Variants in STING1 observed in about 807,000 individuals in gnomAD.
STING1 encodes the protein stimulator of interferon response cGAMP interactor 1.
A neutral mutation model predicts 31.6 loss-of-function variants in STING1; 19 were observed. The ratio of observed to expected loss-of-function variants is 0.60; its 90% CI spans 0.42 to 0.88. The LOEUF is 0.88. Among genes scored for constraint, STING1 ranks in the 40% least tolerant of loss-of-function variants. The pLI is 0.00. For missense variants in STING1, 371 were observed against 483.7 expected (o/e 0.77, Z 2.19); for synonymous variants, 200 against 208.6 (o/e 0.96, Z 0.35).
At chr5:139,476,494 A>G (rs1308278528) in intron 7 of STING1, 40 bp from the exon 8 acceptor site, 2 of 1,578,590 alleles carry the variant, frequency 1.3e-6, no homozygotes, top group Admixed American at 1.7e-5. Context: ...TGAGGATCTT[A>G]CCCATTCCCA....
intron 7 of STING1, among the ~76,000 whole-genome samples, chr5:139,476,688 T>C (rs1164265357): frequency 1.3e-5 from 2 of 151,928 alleles, no homozygotes; most frequent in Non-Finnish European, 2.9e-5. Flanking sequence ...AGGTAGATCA[T>C]GAGGTCAGGA....
At chr5:139,478,837 G>A (rs1323825981) in intron 5 of STING1, 2 of 305,236 alleles carry the variant, frequency 6.6e-6, no homozygotes, top group Admixed American at 4.2e-5. Flanking sequence ...CACAGAGGGA[G>A]GCCTCTAGCC....
At position 139,481,451 on chromosome 5, in the gene STING1, C is replaced by A; in HGVS notation, c.227+27G>T. 6.2e-7 allele frequency: 1 copy of A among 1,606,686 alleles called. No homozygotes were observed. Among genetic ancestry groups the A allele is most frequent in the Non-Finnish European group, 8.5e-7 (1 of 1,174,670 alleles). ...AAGGGAGTGACACACGTTGGATACC[C>A]CGTCCCTGGGTACTGCAGTGAGTCA... On this transcript the variant is annotated intron_variant, in intron 3 of 7. Transcript: ENST00000330794. The surrounding 1 kb of genome is among the most constrained non-coding windows in gnomAD (Gnocchi z 4.1).
rs143501152 is a variant in STING1 at position 139,479,265 on chromosome 5, A to G, written c.521-757T>C. 3.3e-3 allele frequency: 498 copies of G among 152,526 alleles called. 2 individuals are homozygous for G. The Middle Eastern group carries it at 0.034, about 10-fold the overall frequency. 9.4% of individuals were successfully genotyped at this position (152,526 alleles called of 1,614,324 possible). On this transcript the variant is annotated intron_variant, in intron 5 of 7. Coordinates refer to ENST00000330794, the MANE Select transcript of STING1 (RefSeq NM_198282.4). ...AACAACAACAACAACAACAACAACA[A>G]CAACAACAACAACAACAAACACAGG... is the stretch of plus-strand genomic sequence containing the variant.
At position 139,481,838 on chromosome 5, in the gene STING1, GACAC is replaced by G; in HGVS notation, c.1-138_1-135del. 1.4e-6 allele frequency: 1 copy of G among 708,938 alleles called. No individual in the cohort carries two copies. Among genetic ancestry groups the G allele is most frequent in the Non-Finnish European group, 2.4e-6 (1 of 423,738 alleles). The allele number at this position is 708,938 out of a possible 1,614,324, so 43.9% of individuals were successfully genotyped here. On this transcript the variant is annotated intron_variant, in intron 2 of 7. Coordinates refer to ENST00000330794, the MANE Select transcript of STING1 (RefSeq NM_198282.4). The surrounding 1 kb of genome is among the most constrained non-coding windows in gnomAD (Gnocchi z 4.1). ...GCCACTCCCAGAGGCTGCTCTTAGA[GACAC>G]CTCTAGGAGGCAGGCTGGGAATAAG...
At position 139,478,269 on chromosome 5, in the gene STING1, C is replaced by T; in HGVS notation, c.759+1G>A. ...AGACCCCCACTCCCCTGCACACTTA[C>T]CCGCTGCCCGTTCTCCAGAAGCTCA... On this transcript the variant is annotated splice_donor_variant, in intron 6 of 7. Coordinates refer to ENST00000330794, the MANE Select transcript of STING1 (RefSeq NM_198282.4). LOFTEE classifies it high-confidence loss of function. The T allele has an allele frequency of 6.2e-7, 1 of 1,611,012 alleles. No individual in the cohort carries two copies. Among genetic ancestry groups the T allele is most frequent in the Non-Finnish European group, 8.5e-7 (1 of 1,178,056 alleles).
At position 139,481,563 on chromosome 5, in the gene STING1, C is replaced by A. The variant is rs902177158; in HGVS notation, c.142G>T (p.Val48Leu). 245 of 1,613,764 alleles carry A rather than the reference C, an allele frequency of 1.5e-4. No homozygotes were observed. Among genetic ancestry groups the A allele is most frequent in the Non-Finnish European group, 2.0e-4 (236 of 1,179,962 alleles). ...EPPEHTLRYL[V>L]LHLASLQLGL... ...AGCTGCAGGGAGGCTAGGTGGAGCA[C>A]CAGGTACCGGAGAGTGTGCTCTGGT... Residue 48 changes from valine to leucine, a missense_variant, in exon 3 of 8, where the codon GTG (valine) becomes TTG (leucine). Coordinates refer to ENST00000330794, the MANE Select transcript of STING1 (RefSeq NM_198282.4). This position sits in a 1 kb window ranked among gnomAD's most constrained non-coding sequence, Gnocchi z 4.1.
Position 139,476,095 on chromosome 5 carries a change from C to G in STING1, c.*166G>C. The G allele has an allele frequency of 3.4e-6, 2 of 584,080 alleles. No homozygotes were observed. The highest frequency in any genetic ancestry group is 6.1e-6 in the Non-Finnish European group (2 of 327,882). The allele number at this position is 584,080 out of a possible 1,614,324, so 36.2% of individuals were successfully genotyped here. On this transcript the variant is annotated 3_prime_UTR_variant, in exon 8 of 8. Coordinates refer to ENST00000330794, the MANE Select transcript of STING1 (RefSeq NM_198282.4). ...ACCGAGGCTCAGAGAGGGGAAATGA[C>G]TGGCCCAAGGGGACAAGACGCATCT...
intron 5 of STING1, 121 bp from the exon 6 acceptor site, chr5:139,478,629 C>G: frequency 4.6e-6 from 4 of 861,642 alleles, no homozygotes; most frequent in South Asian, 1.5e-5. Context: ...GAGTCCAGTG[C>G]ACTCTCATTG....
At chr5:139,479,599 G>A (rs544271394) in intron 5 of STING1, among the ~76,000 whole-genome samples, 10 of 151,518 alleles carry the variant, frequency 6.6e-5, no homozygotes, top group East Asian at 1.9e-4. Context: ...CTACTTGGGA[G>A]GCTAAGGCAG....
chr5:139,476,603 T>TCCTAG, intron 7 of STING1, 149 bp from the exon 8 acceptor site: 1 of 695,776 alleles, frequency 1.4e-6, no homozygotes, highest in Admixed American at 2.8e-5. Context: ...TTTCATAGAA[T>TCCTAG]CCTAGAGGTA....
rs1751644949 is a variant in STING1 at position 139,475,946 on chromosome 5, C to T, written c.*315G>A. 1 of 228,960 alleles carries T rather than the reference C, an allele frequency of 4.4e-6. No homozygotes were observed. The highest frequency in any genetic ancestry group is 8.6e-6 in the Non-Finnish European group (1 of 116,066). The allele number at this position is 228,960 out of a possible 1,614,324, so 14.2% of individuals were successfully genotyped here. On this transcript the variant is annotated 3_prime_UTR_variant, in exon 8 of 8. Coordinates refer to ENST00000330794, the MANE Select transcript of STING1 (RefSeq NM_198282.4). ...GGTCTGGAAGGCCCCATGAAAGACA[C>T]CTGGCACACCCCCTAAGTACACTAG... is the stretch of plus-strand genomic sequence containing the variant.
rs114834699 is a variant in STING1 at position 139,478,449 on chromosome 5, C to A, written c.580G>T (p.Val194Leu). ...AGGAGAATATACAGCCGCTGGCTCA[C>A]TGCACCCCGTAGCAGGTTGTTGTAA... Reference protein sequence around the residue: ...QHYNNLLRGAVSQRLYILLPL... With the variant: ...QHYNNLLRGALSQRLYILLPL... Residue 194 changes from valine (V) to leucine (L), a missense_variant, in exon 6 of 8, where the codon GTG becomes TTG. Val to Leu is a conservative substitution (Grantham distance 32). Transcript: ENST00000330794. The A allele has an allele frequency of 9.0e-4, 1,453 of 1,614,222 alleles. 17 individuals carry two copies. In the African/African-American group the frequency reaches 0.012, roughly 14 times the overall value.
In STING1 at chr5:139,481,787, C is replaced by T; in HGVS notation, c.1-83G>A. On this transcript the variant is annotated intron_variant, in intron 2 of 7. Coordinates refer to ENST00000330794, the MANE Select transcript of STING1 (RefSeq NM_198282.4). The surrounding 1 kb of genome is among the most constrained non-coding windows in gnomAD (Gnocchi z 4.1). ...CTGAGGCTCTGGCTGGGCACTTCCT[C>T]CCAGTTCCCCTTTCCCTGGTGCCCA... 5 of 1,169,496 alleles carry T rather than the reference C, an allele frequency of 4.3e-6. No homozygotes were observed. Among genetic ancestry groups the T allele is most frequent in the African/African-American group, 1.5e-5 (1 of 65,858 alleles). The allele number at this position is 1,169,496 out of a possible 1,614,324, so 72.4% of individuals were successfully genotyped here.
At chr5:139,479,848 CAAAAAAAAAAAAA>C (rs1168023127) in intron 5 of STING1, among the ~76,000 whole-genome samples, 4 of 34,914 alleles carry the variant, frequency 1.1e-4, no homozygotes, top group African/African-American at 1.8e-4. Flanking sequence ...ACTAAAAATA[CAAAAAAAAAAAAA>C]AAAAAAAAAA....
chr5:139,480,651 C>G, intron 5 of STING1, 139 bp downstream of exon 5: 1 of 639,724 alleles, frequency 1.6e-6, no homozygotes, highest in Non-Finnish European at 2.8e-6. Flanking sequence ...ATCCTTCATG[C>G]CTTGGGATTA....
chr5:139,481,604 C>A lies in STING1; in HGVS notation c.101G>T (p.Trp34Leu). The A allele has an allele frequency of 6.2e-7, 1 of 1,613,642 alleles. No homozygotes were observed. The highest frequency in any genetic ancestry group is 8.5e-7 in the Non-Finnish European group (1 of 1,179,892). ...VLLSACLVTLWGLGEPPEHTL... is the reference protein window; with the variant it reads ...VLLSACLVTLLGLGEPPEHTL... ...GTGCTCTGGTGGCTCTCCTAGCCCC[C>A]AAAGGGTCACCAGGCAGGCACTCAG... is the stretch of plus-strand genomic sequence containing the variant. The change falls in exon 3 of 8, where the codon TGG becomes TTG. Residue 34 changes from tryptophan to leucine, a missense_variant. Transcript: ENST00000330794. The surrounding 1 kb of genome is among the most constrained non-coding windows in gnomAD (Gnocchi z 4.1).
rs765137654 is a variant in STING1, at chr5:139,480,839, A to T, written c.471T>A (p.His157Gln). Reference sequence around the variant, plus strand: ...CGATGTAATATGACCATGCCAGCCCATGGGCCACGTTGAAATTCCCTTTTT... The same window carrying T: ...CGATGTAATATGACCATGCCAGCCCTTGGGCCACGTTGAAATTCCCTTTTT... ...VCEKGNFNVAHGLAWSYYIGY... is the reference protein window; with the variant it reads ...VCEKGNFNVAQGLAWSYYIGY... The change falls in exon 5 of 8, where the codon CAT becomes CAA. Residue 157 changes from histidine to glutamine, a missense_variant. By Grantham distance (24) the His-to-Gln change is conservative (BLOSUM62 0). Transcript: ENST00000330794. 1 of 1,614,064 alleles carries T rather than the reference A, an allele frequency of 6.2e-7. No homozygotes were observed. Among genetic ancestry groups the T allele is most frequent in the Non-Finnish European group, 8.5e-7 (1 of 1,180,040 alleles).
rs375560052 is a variant in STING1 at position 139,477,328 on chromosome 5, C to T, written c.946+1G>A. ...AACCCCTCACCCTACCAACCCCTCA[C>T]CCTGGTAGGCAATGAGGCGGCAGTT... On this transcript the variant is annotated splice_donor_variant, in intron 7 of 7. Coordinates refer to ENST00000330794, the MANE Select transcript of STING1 (RefSeq NM_198282.4). LOFTEE classifies it high-confidence loss of function. 1.2e-6 allele frequency: 2 copies of T among 1,613,442 alleles called. No individual in the cohort carries two copies. Among genetic ancestry groups the T allele is most frequent in the Non-Finnish European group, 1.7e-6 (2 of 1,179,824 alleles).
Sources: gnomAD v4.1 joint callset for allele counts (sites outside exome capture counted in the v4.1 genomes callset) on GRCh38, gnomAD v4.1.1 for gene constraint, Gnocchi (gnomAD v3.1) non-coding constraint, MANE v1.5 for transcripts, NCBI Gene and HGNC (gene_info 2026-07-23, HGNC 2026-07-21) for gene names.